The following SYNPR variants were observed in gnomAD, a reference collection of about 807,000 sequenced individuals.
SYNPR encodes synaptoporin.
In SYNPR, 23 loss-of-function variants were observed where a neutral mutation model predicts 32.9. The observed-to-expected ratio is 0.70, with a 90% CI of 0.50 to 0.99. SYNPR has a LOEUF of 0.99. Among genes scored for constraint, SYNPR ranks in the 50% least tolerant of loss-of-function variants. SYNPR has a pLI of 0.00. For missense variants in SYNPR, 318 were observed against 349.3 expected, an observed-to-expected ratio of 0.91 and a Z score of 0.71; for synonymous variants, 146 against 135.9, an observed-to-expected ratio of 1.07 and a Z score of -0.52.
chr3:63,216,813 T>C, the SYNPR span, among the ~76,000 whole-genome samples: 1 of 51,088 alleles, frequency 2.0e-5, no homozygotes, highest in East Asian at 2.5e-4. Context: ...AGTTTTTCTG[T>C]TCTGTTTTTT....
intron 1 of SYNPR, among the ~76,000 whole-genome samples, chr3:63,246,634 G>A (rs545085172): frequency 6.6e-6 from 1 of 152,154 alleles, no homozygotes; most frequent in South Asian, 2.1e-4. Flanking sequence ...CAGACCTGAA[G>A]TGAGAGTTTA....
chr3:63,269,072 T>C (rs2086513219), intron 3 of SYNPR, among the ~76,000 whole-genome samples: 1 of 152,242 alleles, frequency 6.6e-6, no homozygotes, highest in Non-Finnish European at 1.5e-5. Flanking sequence ...AATTCTATTT[T>C]CCTAATAACA....
At chr3:63,516,250 C>T (rs1478655424) in intron 3 of SYNPR, among the ~76,000 whole-genome samples, 1 of 152,052 alleles carries the variant, frequency 6.6e-6, no homozygotes, top group Admixed American at 6.6e-5. Context: ...TGGGGAGTCT[C>T]TTGCCCCATC....
intron 2 of SYNPR, among the ~76,000 whole-genome samples, chr3:63,480,393 C>T (rs1168945135): frequency 1.3e-5 from 2 of 152,094 alleles, no homozygotes; most frequent in Non-Finnish European, 2.9e-5. Flanking sequence ...TATATTATTC[C>T]AAAAGACAAA....
chr3:63,265,377 G>A (rs929619054), intron 2 of SYNPR, among the ~76,000 whole-genome samples: 3 of 150,204 alleles, frequency 2.0e-5, no homozygotes, highest in African/African-American at 7.3e-5. Context: ...TCAGCCTCCC[G>A]AGTGGCTGAC....
intron 2 of SYNPR, among the ~76,000 whole-genome samples, chr3:63,420,505 GA>G (rs909659309): frequency 6.6e-5 from 10 of 151,648 alleles, no homozygotes; most frequent in African/African-American, 9.7e-5. Flanking sequence ...TTTCTTTATA[GA>G]AAAAAAATTG....
intron 2 of SYNPR, among the ~76,000 whole-genome samples, chr3:63,346,680 C>T (rs1177680419): frequency 1.3e-5 from 2 of 152,006 alleles, no homozygotes; most frequent in East Asian, 1.9e-4. Flanking sequence ...ACCATGTTAG[C>T]CAAGACAGTC....
chr3:63,521,013 A>G (rs1575689553), intron 3 of SYNPR, among the ~76,000 whole-genome samples: 1 of 152,328 alleles, frequency 6.6e-6, no homozygotes, highest in East Asian at 1.9e-4. Context: ...AGAAAGAAAC[A>G]AGCAAGTGAG....
At chr3:63,507,099 A>G (rs1701603102) in intron 3 of SYNPR, among the ~76,000 whole-genome samples, 1 of 152,018 alleles carries the variant, frequency 6.6e-6, no homozygotes, top group African/African-American at 2.4e-5. Context: ...GTCAGCCGAC[A>G]TCGCACCATG....
intron 2 of SYNPR, among the ~76,000 whole-genome samples, chr3:63,425,454 G>A (rs1371195382): frequency 1.3e-5 from 2 of 152,164 alleles, no homozygotes; most frequent in Admixed American, 6.5e-5. Context: ...TGATATGAAG[G>A]TGGTTTACAG....
At chr3:63,540,303 A>T (rs144283764) in intron 3 of SYNPR, among the ~76,000 whole-genome samples, 1 of 152,288 alleles carries the variant, frequency 6.6e-6, no homozygotes, top group East Asian at 1.9e-4. Context: ...AGACAAAGAA[A>T]TTAAGAAATT....
In SYNPR at chr3:63,421,789, G is replaced by A. The variant is rs117964199; in HGVS notation, c.85-59043G>A. On this transcript the variant is annotated intron_variant, in intron 2 of 5. Transcript: ENST00000478300. Reference sequence around the variant, plus strand: ...CAGGATTCAGTTCTTTACAGCTGGAGGACTGAGGCCCCACACTCCTACAGG... The same window carrying A: ...CAGGATTCAGTTCTTTACAGCTGGAAGACTGAGGCCCCACACTCCTACAGG... Among the ~76,000 whole-genome samples, 28 of 152,306 alleles carry A rather than the reference G, an allele frequency of 1.8e-4. No individual in the cohort carries two copies. In the East Asian group the frequency reaches 4.8e-3, roughly 26 times the overall value.
At chr3:63,562,777 A>G (rs1347715511) in intron 4 of SYNPR, among the ~76,000 whole-genome samples, 1 of 152,238 alleles carries the variant, frequency 6.6e-6, no homozygotes, top group Non-Finnish European at 1.5e-5. Flanking sequence ...TAGCAGAACA[A>G]AGACACAAAC....
At chr3:63,200,854 A>G in the SYNPR span, among the ~76,000 whole-genome samples, 1 of 152,170 alleles carries the variant, frequency 6.6e-6, no homozygotes, top group African/African-American at 2.4e-5. Context: ...AGATGAGAGA[A>G]TACTGGGAGC....
chr3:63,563,936 T>G (rs186106309), intron 4 of SYNPR, among the ~76,000 whole-genome samples: 6 of 147,090 alleles, frequency 4.1e-5, no homozygotes, highest in Admixed American at 1.4e-4. Context: ...GCTAGAAAAC[T>G]CCTATAAACT....
intron 3 of SYNPR, among the ~76,000 whole-genome samples, chr3:63,515,882 A>G (rs1701788824): frequency 6.6e-6 from 1 of 151,806 alleles, no homozygotes. Context: ...ACATTAAATT[A>G]TTTTTTTTAC....
At chr3:63,518,315 C>G (rs555686307) in intron 3 of SYNPR, among the ~76,000 whole-genome samples, 4 of 152,070 alleles carry the variant, frequency 2.6e-5, no homozygotes, top group Non-Finnish European at 5.9e-5. Flanking sequence ...TTACCCACGC[C>G]AAGCCTTGAG....
At chr3:63,354,483 G>A (rs1400646868) in intron 2 of SYNPR, among the ~76,000 whole-genome samples, 1 of 152,136 alleles carries the variant, frequency 6.6e-6, no homozygotes, top group Non-Finnish European at 1.5e-5. Context: ...TGAACCAACA[G>A]ACTAGTAAAG....
chr3:63,549,871 A>G (rs551565026), intron 3 of SYNPR: 1 of 152,292 alleles, frequency 6.6e-6, no homozygotes, highest in South Asian at 2.1e-4. Flanking sequence ...CCTTTCATTG[A>G]TAGACACAAT....
Sources: gnomAD v4.1 joint callset for allele counts (sites outside exome capture counted in the v4.1 genomes callset) on GRCh38, gnomAD v4.1.1 for gene constraint, MANE v1.5 for transcripts, NCBI Gene and HGNC (gene_info 2026-07-23, HGNC 2026-07-21) for gene names.